ELF1: variants seen among roughly 807,000 people sequenced by gnomAD.
The protein encoded by ELF1 is E74 like ETS transcription factor 1.
Under a neutral mutation model 59.9 loss-of-function variants are expected in ELF1, and 24 were observed. The ratio of observed to expected loss-of-function variants is 0.40; its 90% CI spans 0.29 to 0.56. The LOEUF (loss-of-function observed/expected upper bound fraction) is 0.56. Among genes scored for constraint, ELF1 ranks in the 20% least tolerant of loss-of-function variants. The pLI is 0.44. For synonymous variants in ELF1, 248 were observed against 266.2 expected (o/e 0.93, Z 0.67); for missense variants, 627 against 742.2 (o/e 0.84, Z 1.80).
intron 3 of ELF1, among the ~76,000 whole-genome samples, chr13:40,952,170 G>A (rs757354327): frequency 6.6e-6 from 1 of 151,986 alleles, no homozygotes; most frequent in African/African-American, 2.4e-5. Flanking sequence ...TTTGGATTTT[G>A]CCAACTATAT....
intron 7 of ELF1, among the ~76,000 whole-genome samples, chr13:40,941,984 T>C (rs1870203530): frequency 6.6e-6 from 1 of 152,072 alleles, no homozygotes. Context: ...GCCAGGATAA[T>C]CAAAACTACC....
intron 1 of ELF1, among the ~76,000 whole-genome samples, chr13:41,002,855 T>C (rs552373954): frequency 6.6e-6 from 1 of 152,274 alleles, no homozygotes; most frequent in East Asian, 1.9e-4. Flanking sequence ...ATTCAGTAAT[T>C]ATTTACTATG....
At chr13:40,992,977 AG>A in intron 1 of ELF1, 1 of 1,028,272 alleles carries the variant, frequency 9.7e-7, no homozygotes, top group Non-Finnish European at 1.5e-6. Context: ...TCTTTCTTTA[AG>A]TCTTCACAGG....
chr13:40,989,500 T>C (rs555536477), intron 1 of ELF1, among the ~76,000 whole-genome samples: 2 of 152,350 alleles, frequency 1.3e-5, no homozygotes, highest in African/African-American at 4.8e-5. Flanking sequence ...GAATATATTT[T>C]AGGTAGGTAT....
chr13:41,048,958 A>T (rs1248973379), intron 1 of ELF1, among the ~76,000 whole-genome samples: 1 of 152,154 alleles, frequency 6.6e-6, no homozygotes, highest in Non-Finnish European at 1.5e-5. Context: ...AAATCTAACT[A>T]AAGTTAATGA....
At chr13:40,993,756 AT>A (rs1203618703) in intron 1 of ELF1, among the ~76,000 whole-genome samples, 5 of 152,250 alleles carry the variant, frequency 3.3e-5, no homozygotes, top group Non-Finnish European at 7.4e-5. Flanking sequence ...AAGTGCTGGG[AT>A]TATAGGCATG....
intron 2 of ELF1, among the ~76,000 whole-genome samples, chr13:40,969,880 T>TG (rs368908772): frequency 2.3e-4 from 34 of 150,712 alleles, no homozygotes; most frequent in African/African-American, 7.3e-4. Flanking sequence ...ATTTTTAAAT[T>TG]TTTTGTAGAG....
chr13:40,968,725 T>C (rs1246255540), intron 2 of ELF1, among the ~76,000 whole-genome samples: 1 of 151,452 alleles, frequency 6.6e-6, no homozygotes, highest in Non-Finnish European at 1.5e-5. Context: ...TATATTCTTT[T>C]TTTTTTTTTT....
At chr13:40,993,894 A>C (rs1874003584) in intron 1 of ELF1, among the ~76,000 whole-genome samples, 1 of 147,664 alleles carries the variant, frequency 6.8e-6, no homozygotes, top group African/African-American at 2.5e-5. Flanking sequence ...ATAAAGCACA[A>C]ATCGATTTTT....
chr13:40,943,486 C>T (rs1403992173), intron 6 of ELF1, among the ~76,000 whole-genome samples: 1 of 152,102 alleles, frequency 6.6e-6, no homozygotes, highest in African/African-American at 2.4e-5. Flanking sequence ...GCCAGCAGGT[C>T]GGCCATAACA....
chr13:41,024,738 G>A (rs920900721), intron 1 of ELF1, among the ~76,000 whole-genome samples: 52 of 152,140 alleles, frequency 3.4e-4, no homozygotes, highest in African/African-American at 1.2e-3. Context: ...TCACACAGCA[G>A]CCACTCAAAG....
intron 1 of ELF1, among the ~76,000 whole-genome samples, chr13:41,042,923 C>G (rs930542908): frequency 3.3e-5 from 5 of 152,182 alleles, no homozygotes; most frequent in Admixed American, 6.5e-5. Context: ...GTACCACCAA[C>G]AGTGTAAAAG....
intron 1 of ELF1, among the ~76,000 whole-genome samples, chr13:41,037,844 A>G (rs1876448602): frequency 6.6e-6 from 1 of 152,080 alleles, no homozygotes; most frequent in South Asian, 2.1e-4. Context: ...GAACATCCTC[A>G]ACAGACATTT....
chr13:40,993,397 G>A, intron 1 of ELF1: 1 of 818,606 alleles, frequency 1.2e-6, no homozygotes, highest in East Asian at 2.4e-5. Context: ...TGGGTCTGGG[G>A]GGAGCGGGGC....
intron 2 of ELF1, among the ~76,000 whole-genome samples, chr13:40,961,589 T>C (rs181593840): frequency 6.6e-6 from 1 of 152,274 alleles, no homozygotes. Flanking sequence ...AAAAAAATTA[T>C]ACCGTAACTC....
Position 40,932,260 on chromosome 13 carries a change from T to TGG in ELF1, c.*1164_*1165insCC, listed in dbSNP as rs1440555116. ...ACATTAAATGTACATTATTTACAGT[T>TGG]GAAAAAGTAATCTAAAAACATTTCA... On this transcript the variant is annotated 3_prime_UTR_variant, in exon 9 of 9. Coordinates refer to ENST00000239882, the MANE Select transcript of ELF1 (RefSeq NM_172373.4). The TGG allele has an allele frequency of 6.6e-6, 1 of 152,198 alleles. No homozygotes were observed. The highest frequency in any genetic ancestry group is 1.9e-4 in the East Asian group (1 of 5,204). 9.4% of individuals were successfully genotyped at this position (152,198 alleles called of 1,614,324 possible). A position where few individuals can be genotyped will look rare whatever the true frequency, so the allele number is the denominator to read the frequency against.
intron 2 of ELF1, among the ~76,000 whole-genome samples, chr13:40,968,000 C>G (rs1460926968): frequency 6.6e-6 from 1 of 152,020 alleles, no homozygotes; most frequent in Non-Finnish European, 1.5e-5. Context: ...TGAGAATAGT[C>G]TTTTCAAAAC....
chr13:40,952,280 C>CATAAA (rs1253395761), intron 3 of ELF1, among the ~76,000 whole-genome samples: 2 of 151,000 alleles, frequency 1.3e-5, no homozygotes, highest in African/African-American at 4.9e-5. Flanking sequence ...TTTGGCAAGA[C>CATAAA]TAAAAAAAAA....
chr13:40,959,596 A>G (rs1447007163), intron 2 of ELF1, among the ~76,000 whole-genome samples: 1 of 152,182 alleles, frequency 6.6e-6, no homozygotes. Context: ...ATCAAATCTC[A>G]ATAAAAGTTT....
Sources: allele counts gnomAD v4.1 joint callset (sites outside exome capture counted in the v4.1 genomes callset), GRCh38; gene constraint gnomAD v4.1.1; transcripts MANE v1.5; gene names NCBI Gene and HGNC (gene_info 2026-07-23, HGNC 2026-07-21).